Variants in HERC2 observed in about 807,000 individuals in gnomAD.
HERC2 encodes the protein E3 ubiquitin-protein ligase HERC2.
A neutral mutation model predicts 537.7 loss-of-function variants in HERC2; 102 were observed. The ratio of observed to expected loss-of-function variants is 0.19; its 90% CI spans 0.16 to 0.22. The LOEUF (loss-of-function observed/expected upper bound fraction) is 0.22, where lower values mean the gene tolerates loss of function less well. Ranked by LOEUF, HERC2 falls within the 10% of genes least tolerant of loss-of-function variation. The pLI is 1.00. For synonymous variants in HERC2, 2,224 were observed against 2,466.2 expected (o/e 0.90, Z 2.91); for missense variants, 4,236 against 6,198.2 (o/e 0.68, Z 10.63).
chr15:28,316,333 T>TA (rs2077085521), intron 2 of HERC2, among the ~76,000 whole-genome samples: 1 of 151,826 alleles, frequency 6.6e-6, no homozygotes, highest in African/African-American at 2.4e-5. Context: ...GAACCAAAGT[T>TA]AAAAGTTAGT....
At chr15:28,181,540 G>A (rs960836992) in intron 57 of HERC2, among the ~76,000 whole-genome samples, 5 of 152,192 alleles carry the variant, frequency 3.3e-5, no homozygotes, top group African/African-American at 7.2e-5. Context: ...TAAAGAAAAC[G>A]TATGATGTGA....
At position 28,270,823 on chromosome 15, in the gene HERC2, G is replaced by A. The variant is rs1446129328; in HGVS notation, c.1129C>T (p.Leu377Phe). ...AGCTCGTTGTCTTGTGGAAGGGTGA[G>A]GTACCTCAGGAAACTCTCATTGGGG... ...LSPNESFLRY[L>F]TLPQDNELAI... The change falls in exon 10 of 93, where the codon CTC becomes TTC. Residue 377 changes from leucine (L) to phenylalanine (F), a missense_variant. Leu to Phe is a conservative substitution (Grantham distance 22). Coordinates refer to ENST00000261609, the MANE Select transcript of HERC2 (RefSeq NM_004667.6). 3 of 1,613,734 alleles carry A rather than the reference G, an allele frequency of 1.9e-6. No homozygotes were observed. The highest frequency in any genetic ancestry group is 2.5e-6 in the Non-Finnish European group (3 of 1,179,854).
chr15:28,140,158 T>G (rs1891068634), intron 78 of HERC2, among the ~76,000 whole-genome samples: 1 of 152,060 alleles, frequency 6.6e-6, no homozygotes, highest in African/African-American at 2.4e-5. Flanking sequence ...TGTCCACTGT[T>G]GACTAGAAAC....
Position 28,229,156 on chromosome 15 carries a change from G to A in HERC2, c.5272+39C>T, listed in dbSNP as rs760623768. On this transcript the variant is annotated intron_variant, in intron 34 of 92. Transcript: ENST00000261609. ...AAGTTTCCACAACATATAATTAAAG[G>A]CAAACTATAAAATAACATTGATACA... The A allele has an allele frequency of 1.9e-6, 3 of 1,545,156 alleles. No homozygotes were observed. In the Admixed American group the frequency reaches 5.1e-5, roughly 26 times the overall value.
chr15:28,174,899 C>G (rs751648246), intron 64 of HERC2, among the ~76,000 whole-genome samples: 11 of 151,890 alleles, frequency 7.2e-5, no homozygotes, highest in Non-Finnish European at 1.6e-4. Flanking sequence ...CACAGAAGGT[C>G]CTCTCTCTAA....
chr15:28,257,225 C>T lies in HERC2; in HGVS notation c.2353G>A (p.Gly785Ser). Residue 785 changes from glycine to serine, a missense_variant, in exon 17 of 93, where the codon GGC (glycine) becomes AGC (serine). This residue lies in a region of HERC2 where 754 missense variants were observed against 1,085.0 expected (regional missense o/e 0.69). Transcript: ENST00000261609. ...TCCACCACAAAAGGGACACGGAGGC[C>T]AATGGACCACTCAGAACATGATGAC... ...AWSSCSEWSI[G>S]LRVPFVVDIC... 6.2e-7 allele frequency: 1 copy of T among 1,613,930 alleles called. No individual in the cohort carries two copies. The highest frequency in any genetic ancestry group is 8.5e-7 in the Non-Finnish European group (1 of 1,179,850).
chr15:28,168,564 G>A lies in HERC2; in HGVS notation c.10256C>T (p.Pro3419Leu), dbSNP rs779733098. The change falls in exon 67 of 93, where the codon CCG becomes CTG. Residue 3419 changes from proline to leucine, a missense_variant. Pro to Leu is a moderately conservative substitution (Grantham distance 98). This residue lies in a region of HERC2 where 356 missense variants were observed against 450.9 expected (regional missense o/e 0.79). Transcript: ENST00000261609. ...ARDAVVGALM[P>L]AAMIAPVECP... ...CTCCACCGGGGCGATCATGGCGGCC[G>A]GCATCAGGGCCCCGACAACAGCATC... The A allele has an allele frequency of 8.1e-6, 13 of 1,613,880 alleles. No homozygotes were observed. Among genetic ancestry groups the A allele is most frequent in the Middle Eastern group, 1.6e-4 (1 of 6,082 alleles).
At chr15:28,296,496 T>A (rs1334551653) in intron 3 of HERC2, among the ~76,000 whole-genome samples, 1 of 151,940 alleles carries the variant, frequency 6.6e-6, no homozygotes, top group African/African-American at 2.4e-5. Context: ...ACACAAAAAA[T>A]ATTCATCAAA....
intron 79 of HERC2, among the ~76,000 whole-genome samples, chr15:28,134,605 A>T (rs1890427782): frequency 6.6e-6 from 1 of 152,150 alleles, no homozygotes; most frequent in Non-Finnish European, 1.5e-5. Context: ...GTTAACAGAG[A>T]TGCCCTTGAT....
At chr15:28,274,248 G>A in intron 7 of HERC2, 43 bp downstream of exon 7, 1 of 1,605,550 alleles carries the variant, frequency 6.2e-7, no homozygotes, top group Non-Finnish European at 8.5e-7. Context: ...CCTCAAGCAG[G>A]CCAGCTGTCT....
At position 28,248,583 on chromosome 15, in the gene HERC2, T is replaced by C. The variant is rs563517577; in HGVS notation, c.3204A>G (p.Gly1068=). The C allele has an allele frequency of 2.2e-5, 36 of 1,613,926 alleles. No individual in the cohort carries two copies. In the South Asian group the frequency reaches 3.5e-4, roughly 16 times the overall value. The part of the protein sequence containing the change: ...QRLLISKLYP[G]ESIGQTSDIS... ...TATCTGAGGTCTGACCAATACTTTC[T>C]CCTGGATAAAGTTTACTAATAAGCA... The change falls in exon 21 of 93, where the codon GGA becomes GGG. Residue 1068 remains glycine (G), a synonymous_variant. Transcript: ENST00000261609.
At chr15:28,209,340 TTTTTA>T (rs1233829742) in intron 44 of HERC2, among the ~76,000 whole-genome samples, 1 of 151,986 alleles carries the variant, frequency 6.6e-6, no homozygotes, top group East Asian at 1.9e-4. Context: ...ATTTATTTTA[TTTTTA>T]TTTATTTATT....
At chr15:28,267,920 C>T (rs2075613308) in intron 12 of HERC2, among the ~76,000 whole-genome samples, 1 of 152,258 alleles carries the variant, frequency 6.6e-6, no homozygotes, top group African/African-American at 2.4e-5. Flanking sequence ...CCATGCACAA[C>T]AGCAAAGTAC....
At chr15:28,232,757 T>A (rs1369017213) in intron 30 of HERC2, among the ~76,000 whole-genome samples, 1 of 152,210 alleles carries the variant, frequency 6.6e-6, no homozygotes, top group Non-Finnish European at 1.5e-5. Flanking sequence ...TGTATCAGAA[T>A]ACTCAATATT....
chr15:28,298,749 T>A (rs2076540351), intron 3 of HERC2: 1 of 151,968 alleles, frequency 6.6e-6, no homozygotes, highest in Non-Finnish European at 1.5e-5. Context: ...TGAGCTGAGA[T>A]CGCGCCACTG....
intron 69 of HERC2, among the ~76,000 whole-genome samples, chr15:28,156,942 G>A (rs1262746874): frequency 1.3e-5 from 2 of 152,144 alleles, no homozygotes; most frequent in African/African-American, 2.4e-5. Context: ...TGAATTTGTT[G>A]AGTTTTTAGC....
At chr15:28,143,635 T>G (rs1469850639) in intron 74 of HERC2, among the ~76,000 whole-genome samples, 5 of 151,470 alleles carry the variant, frequency 3.3e-5, no homozygotes, top group Non-Finnish European at 7.4e-5. Flanking sequence ...TTTAGTAGAG[T>G]CAGGATTTCA....
intron 43 of HERC2, among the ~76,000 whole-genome samples, chr15:28,211,516 G>A (rs1899230331): frequency 6.6e-6 from 1 of 152,156 alleles, no homozygotes; most frequent in African/African-American, 2.4e-5. Flanking sequence ...GAATCTGTCA[G>A]CCCCACTAGC....
rs573359443 is a variant in HERC2 at position 28,264,068 on chromosome 15, G to A, written c.1871-899C>T. ...CAAAAACAAAAAAAAGTGAAATTAC[G>A]TAAAGGTGAAAACTGTAAAAGATCA... is the stretch of plus-strand genomic sequence containing the variant. On this transcript the variant is annotated intron_variant, in intron 14 of 92. Coordinates refer to ENST00000261609, the MANE Select transcript of HERC2 (RefSeq NM_004667.6). Among the ~76,000 whole-genome samples the A allele has an allele frequency of 2.1e-4, 31 of 148,982 alleles. No homozygotes were observed. The East Asian group carries it at 3.9e-3, about 19-fold the overall frequency.
Sources: gnomAD v4.1 joint callset for allele counts (sites outside exome capture counted in the v4.1 genomes callset) on GRCh38, gnomAD v4.1.1 for gene constraint, gnomAD v4.1.1 regional missense constraint, MANE v1.5 for transcripts, NCBI Gene and HGNC (gene_info 2026-07-23, HGNC 2026-07-21) for gene names.